SHE: variants seen among roughly 807,000 people sequenced by gnomAD.
SHE encodes the protein Src homology 2 domain containing E.
In SHE, 11 loss-of-function variants were observed where a neutral mutation model predicts 49.8. The ratio of observed to expected loss-of-function variants is 0.22; its 90% CI spans 0.14 to 0.37. The LOEUF (loss-of-function observed/expected upper bound fraction) is 0.37. Ranked by LOEUF, SHE falls within the 10% of genes least tolerant of loss-of-function variation. The pLI is 1.00. For synonymous variants in SHE, 310 were observed against 278.1 expected, an observed-to-expected ratio of 1.11 and a Z score of -1.14; for missense variants, 624 against 655.5, an observed-to-expected ratio of 0.95 and a Z score of 0.52.
At chr1:154,475,480 C>T (rs1182390166), downstream of SHE, among the ~76,000 whole-genome samples, 1 of 152,220 alleles carries the variant, frequency 6.6e-6, no homozygotes, top group Non-Finnish European at 1.5e-5. Flanking sequence ...AGCCACCATG[C>T]CCAGCCAAAC....
chr1:154,478,578 T>C (rs1470461586), downstream of SHE, among the ~76,000 whole-genome samples: 3 of 152,172 alleles, frequency 2.0e-5, no homozygotes, highest in Non-Finnish European at 4.4e-5. Context: ...CTGGCTGAGT[T>C]GTGGCAGATT....
exon 2 of SHE, chr1:154,469,889 A>C (rs553090058): frequency 3.7e-5 from 6 of 160,896 alleles, no homozygotes; most frequent in African/African-American, 1.4e-4. Flanking sequence ...AAAGGATCTT[A>C]GGTAGGAAAA....
Position 154,484,173 on chromosome 1 carries a change from G to A in SHE, c.1464C>T (p.Tyr488=). 1 of 1,614,148 alleles carries A rather than the reference G, an allele frequency of 6.2e-7. No homozygotes were observed. Among genetic ancestry groups the A allele is most frequent in the Non-Finnish European group, 8.5e-7 (1 of 1,179,990 alleles). The change falls in exon 6 of 6, where the codon TAC becomes TAT. Residue 488 remains tyrosine, a synonymous_variant. Coordinates refer to ENST00000304760, the MANE Select transcript of SHE (RefSeq NM_001010846.3). ...CTTAGTGAAGCTTGCTGTGCACTGG[G>A]TAGAGTAAAGTCATGTGTTCTGCCC... The part of the protein sequence containing the change: ...FKGAEHMTLL[Y]PVHSKLH
At chr1:154,470,169 GTC>G in exon 2 of SHE, 1 of 461,720 alleles carries the variant, frequency 2.2e-6, no homozygotes, top group Non-Finnish European at 3.8e-6. Flanking sequence ...GCTGGTCCTT[GTC>G]TTGCAGAAAG....
rs372487996 is a variant in SHE at position 154,485,957 on chromosome 1, G to C, written c.1287C>G (p.Tyr429Ter). ...GGCTTACTTACTTTAGGGCAATGGA[G>C]TACCTGCTGTTCCCTGACTCACTAT... ...VRNSESGNSR[Y>*]SIALKTSQGC... is the part of the protein sequence containing the mutation. The change falls in exon 5 of 6, where the codon TAC (tyrosine) becomes TAG (stop). Residue 429 changes from tyrosine to a stop codon, truncating the protein, a stop_gained. Transcript: ENST00000304760. LOFTEE classifies it high-confidence loss of function. 1 of 1,614,024 alleles carries C rather than the reference G, an allele frequency of 6.2e-7. No individual in the cohort carries two copies.
chr1:154,470,657 T>A (rs1442719116), intron 1 of SHE, among the ~76,000 whole-genome samples: 1 of 152,048 alleles, frequency 6.6e-6, no homozygotes, highest in Non-Finnish European at 1.5e-5. Context: ...CTGGCCAACA[T>A]GGCAAAACCC....
chr1:154,479,717 C>T lies in SHE; in HGVS notation c.*4432G>A, dbSNP rs931827540. ...ATATTAAAGCCCCTGACAAACTGAA[C>T]GGCTAAGAACTTGACAAAATGAGAC... is the stretch of plus-strand genomic sequence containing the variant. On this transcript the variant is annotated 3_prime_UTR_variant, in exon 6 of 6. Transcript: ENST00000304760. 39 of 985,014 alleles carry T rather than the reference C, an allele frequency of 4.0e-5. No homozygotes were observed. In the Admixed American group the frequency reaches 1.0e-3, roughly 26 times the overall value. 61.0% of individuals were successfully genotyped at this position (985,014 alleles called of 1,614,324 possible).
chr1:154,488,560 G>T (rs1340839860), intron 3 of SHE, among the ~76,000 whole-genome samples: 5 of 151,180 alleles, frequency 3.3e-5, no homozygotes, highest in African/African-American at 4.9e-5. Flanking sequence ...GCCCGGCTTG[G>T]TTATACTTTT....
chr1:154,490,560 C>T (rs1692330681), intron 2 of SHE, among the ~76,000 whole-genome samples: 1 of 152,078 alleles, frequency 6.6e-6, no homozygotes, highest in Non-Finnish European at 1.5e-5. Flanking sequence ...AGGTCATTTC[C>T]AGTAGAGGAA....
At chr1:154,496,834 C>T (rs931037301) in intron 2 of SHE, among the ~76,000 whole-genome samples, 2 of 151,892 alleles carry the variant, frequency 1.3e-5, no homozygotes, top group African/African-American at 2.4e-5. Context: ...GTGCAGCTCT[C>T]CAAATAAACA....
rs1036212771 is a variant in SHE, at chr1:154,471,582, G to C, written c.103-1220C>G. Among the ~76,000 whole-genome samples the C allele has an allele frequency of 4.6e-5, 7 of 151,802 alleles. No individual in the cohort carries two copies. The East Asian group carries it at 5.8e-4, about 13-fold the overall frequency. ...GCAAGACCTTGTCTCAAAAAAGAAAGAAACAAGCAAACAAAACACCACTAG... is the reference window on the plus strand; with the variant it reads ...GCAAGACCTTGTCTCAAAAAAGAAACAAACAAGCAAACAAAACACCACTAG... On this transcript the variant is annotated intron_variant, in intron 1 of 1. Coordinates refer to the SHE transcript ENST00000486773.
chr1:154,473,035 G>T (rs1691781261), intron 1 of SHE, among the ~76,000 whole-genome samples: 1 of 151,822 alleles, frequency 6.6e-6, no homozygotes, highest in Non-Finnish European at 1.5e-5. Flanking sequence ...TTTTGCTGTT[G>T]TTGCCAAGGC....
chr1:154,475,757 T>C (rs994406523), downstream of SHE, among the ~76,000 whole-genome samples: 2 of 152,130 alleles, frequency 1.3e-5, no homozygotes, highest in African/African-American at 2.4e-5. Flanking sequence ...TGCTGGGTGA[T>C]GGGACAGGGT....
At chr1:154,471,695 C>G (rs1691748048) in intron 1 of SHE, among the ~76,000 whole-genome samples, 1 of 150,870 alleles carries the variant, frequency 6.6e-6, no homozygotes, top group South Asian at 2.1e-4. Flanking sequence ...CTCTCTCTCT[C>G]TCTCTCTCTC....
Position 154,489,206 on chromosome 1 carries a change from T to C in SHE, c.869A>G (p.Tyr290Cys), listed in dbSNP as rs1248520739. 5.6e-6 allele frequency: 9 copies of C among 1,614,112 alleles called. No homozygotes were observed. Among genetic ancestry groups the C allele is most frequent in the Non-Finnish European group, 7.6e-6 (9 of 1,180,002 alleles). ...KDLLGKPPQL[Y>C]DTPYEPAEGG... is the part of the protein sequence containing the mutation. ...TTCTGCAGGCTCGTAGGGAGTGTCG[T>C]ATAGCTGTGGCGGCTTCCCCAGGAG... The change falls in exon 3 of 6, where the codon TAC becomes TGC. Residue 290 changes from tyrosine to cysteine, a missense_variant. Tyr to Cys is a radical substitution (Grantham distance 194). Transcript: ENST00000304760.
chr1:154,501,624 T>G lies in SHE; in HGVS notation c.403A>C (p.Thr135Pro). 10 of 1,614,186 alleles carry G rather than the reference T, an allele frequency of 6.2e-6. No homozygotes were observed. The highest frequency in any genetic ancestry group is 8.5e-6 in the Non-Finnish European group (10 of 1,180,028). ...TAGGTGCTGCAGCCCGAGCTCTTGG[T>G]TGCACCCCGGTGGGGCTCCTCCTCC... ...ATEEEPHRGA[T>P]KSSGCSTYIN... The change falls in exon 1 of 6, where the codon ACC (threonine) becomes CCC (proline). Residue 135 changes from threonine to proline, a missense_variant. Physicochemically the swap from Thr to Pro is conservative, Grantham distance 38. Transcript: ENST00000304760.
chr1:154,501,924 G>T lies in SHE; in HGVS notation c.103C>A (p.Pro35Thr), dbSNP rs1351566561. The T allele has an allele frequency of 6.7e-7, 1 of 1,492,280 alleles. No homozygotes were observed. The highest frequency in any genetic ancestry group is 1.3e-5 in the South Asian group (1 of 78,292). 92.4% of individuals were successfully genotyped at this position (1,492,280 alleles called of 1,614,324 possible). ...TTGAACCACTTGGCCGCCATGAGGG[G>T]GCCCCGGCCGGCTCGGCCCAGGAGC... ...PTLLGRAGRGPLMAAKWFKEF... is the reference protein window; with the variant it reads ...PTLLGRAGRGTLMAAKWFKEF... The change falls in exon 1 of 6, where the codon CCC becomes ACC. Residue 35 changes from proline (P) to threonine (T), a missense_variant. By Grantham distance (38) the Pro-to-Thr change is conservative. Coordinates refer to ENST00000304760, the MANE Select transcript of SHE (RefSeq NM_001010846.3).
At position 154,501,622 on chromosome 1, in the gene SHE, G is replaced by A; in HGVS notation, c.405C>T (p.Thr135=). The change falls in exon 1 of 6, where the codon ACC becomes ACT. Residue 135 remains threonine (T), a synonymous_variant. Coordinates refer to ENST00000304760, the MANE Select transcript of SHE (RefSeq NM_001010846.3). ...ATEEEPHRGA[T]KSSGCSTYIN... ...TGTAGGTGCTGCAGCCCGAGCTCTT[G>A]GTTGCACCCCGGTGGGGCTCCTCCT... 6.2e-7 allele frequency: 1 copy of A among 1,614,148 alleles called. No individual in the cohort carries two copies. The highest frequency in any genetic ancestry group is 1.1e-5 in the South Asian group (1 of 91,086).
intron 1 of SHE, among the ~76,000 whole-genome samples, chr1:154,473,782 T>C (rs965972844): frequency 6.6e-6 from 1 of 151,068 alleles, no homozygotes; most frequent in Non-Finnish European, 1.5e-5. Flanking sequence ...CCAACCTGGG[T>C]GACGAGTGAG....
Sources: allele counts gnomAD v4.1 joint callset (sites outside exome capture counted in the v4.1 genomes callset), GRCh38; gene constraint gnomAD v4.1.1; transcripts MANE v1.5; gene names NCBI Gene and HGNC (gene_info 2026-07-23, HGNC 2026-07-21).